ADGRL3: variants seen among roughly 807,000 people sequenced by gnomAD.
The protein encoded by ADGRL3 is calcium-independent alpha-latrotoxin receptor 3.
Under a neutral mutation model 153.5 loss-of-function variants are expected in ADGRL3, and 62 were observed. The observed-to-expected ratio is 0.40, with a 90% CI of 0.33 to 0.50. The LOEUF (loss-of-function observed/expected upper bound fraction) is 0.50. Among genes scored for constraint, ADGRL3 ranks in the 20% least tolerant of loss-of-function variants. ADGRL3 has a pLI of 0.47. For missense variants in ADGRL3, 1,641 were observed against 1,859.4 expected (o/e 0.88, Z 2.16); for synonymous variants, 710 against 672.5 (o/e 1.06, Z -0.86).
In ADGRL3 at chr4:61,205,340, A is replaced by G. The variant is rs950685648; in HGVS notation, c.-240+3575A>G. 2.0e-5 allele frequency among the ~76,000 whole-genome samples: 3 copies of G among 152,190 alleles called. No individual in the cohort carries two copies. The South Asian group carries it at 6.2e-4, about 32-fold the overall frequency. On this transcript the variant is annotated intron_variant, in intron 1 of 26. Coordinates refer to ENST00000683033, the MANE Select transcript of ADGRL3 (RefSeq NM_001387552.1). ...AAGGAAAACTGATTGCGATTTTCATATTTAGGATCAAACAGTGATTTTAAG... is the reference window on the plus strand; with the variant it reads ...AAGGAAAACTGATTGCGATTTTCATGTTTAGGATCAAACAGTGATTTTAAG...
intron 5 of ADGRL3, among the ~76,000 whole-genome samples, chr4:61,589,650 A>G (rs950382923): frequency 5.3e-5 from 8 of 152,088 alleles, no homozygotes; most frequent in African/African-American, 1.7e-4. Context: ...AAGGATTATT[A>G]CTCAGTATAA....
chr4:61,498,675 A>T (rs1284895373), intron 3 of ADGRL3, among the ~76,000 whole-genome samples: 1 of 152,184 alleles, frequency 6.6e-6, no homozygotes, highest in African/African-American at 2.4e-5. Context: ...AATGTTGTTC[A>T]TTTAGACATC....
chr4:61,766,432 A>G (rs1428672312), intron 8 of ADGRL3, among the ~76,000 whole-genome samples: 2 of 152,214 alleles, frequency 1.3e-5, no homozygotes, highest in East Asian at 3.9e-4. Context: ...AGTTGTTTGG[A>G]CAGAAAGGCT....
chr4:61,357,194 G>A (rs943099295), intron 1 of ADGRL3, among the ~76,000 whole-genome samples: 1 of 151,940 alleles, frequency 6.6e-6, no homozygotes, highest in Non-Finnish European at 1.5e-5. Flanking sequence ...TTTACAGTAT[G>A]AATGTACTAA....
Position 61,321,699 on chromosome 4 carries a change from G to T in ADGRL3, c.-239-61425G>T, listed in dbSNP as rs532061928. ...TTGTAACACAATGTTAAGTATTTGTGTATCTAAACATGTCTAAACGTAGAA... is the reference window on the plus strand; with the variant it reads ...TTGTAACACAATGTTAAGTATTTGTTTATCTAAACATGTCTAAACGTAGAA... On this transcript the variant is annotated intron_variant, in intron 1 of 26. Transcript: ENST00000683033. 2.6e-5 allele frequency among the ~76,000 whole-genome samples: 4 copies of T among 151,776 alleles called. No individual in the cohort carries two copies. In the South Asian group the frequency reaches 8.4e-4, roughly 32 times the overall value.
intron 21 of ADGRL3, among the ~76,000 whole-genome samples, chr4:62,005,687 T>C (rs1427621540): frequency 6.6e-6 from 1 of 151,952 alleles, no homozygotes; most frequent in African/African-American, 2.4e-5. Context: ...TAATTTAAAC[T>C]AGCTATTCAT....
At chr4:61,327,555 G>C (rs2095490896) in intron 1 of ADGRL3, among the ~76,000 whole-genome samples, 1 of 152,060 alleles carries the variant, frequency 6.6e-6, no homozygotes, top group South Asian at 2.1e-4. Flanking sequence ...AAAATTTAAA[G>C]TTTGTGATGG....
intron 8 of ADGRL3, among the ~76,000 whole-genome samples, chr4:61,787,845 C>T (rs990784387): frequency 6.6e-6 from 1 of 151,736 alleles, no homozygotes; most frequent in Non-Finnish European, 1.5e-5. Flanking sequence ...TCTAAAAAAT[C>T]CAGAAAAGGT....
At chr4:61,568,044 C>A (rs2098823472) in intron 4 of ADGRL3, among the ~76,000 whole-genome samples, 1 of 152,000 alleles carries the variant, frequency 6.6e-6, no homozygotes, top group Non-Finnish European at 1.5e-5. Context: ...TTGTTGTGGT[C>A]TTTTCCCTTA....
intron 1 of ADGRL3, among the ~76,000 whole-genome samples, chr4:61,264,745 C>G (rs1447854340): frequency 6.6e-6 from 1 of 151,962 alleles, no homozygotes; most frequent in Non-Finnish European, 1.5e-5. Context: ...ATGGCAAATA[C>G]TGCTAGTACT....
intron 25 of ADGRL3, 39 bp downstream of exon 25, chr4:62,044,588 ATTACT>A (rs1303135542): frequency 1.2e-5 from 17 of 1,361,626 alleles, no homozygotes; most frequent in African/African-American, 7.2e-5. Flanking sequence ...TACTTTTCTG[ATTACT>A]TTAAGAAGTC....
At chr4:61,494,904 A>G (rs2098296847) in intron 2 of ADGRL3, among the ~76,000 whole-genome samples, 1 of 152,184 alleles carries the variant, frequency 6.6e-6, no homozygotes, top group African/African-American at 2.4e-5. Context: ...ATTCACATTG[A>G]AAGGATGAGT....
At chr4:61,366,079 C>A (rs1441793736) in intron 1 of ADGRL3, among the ~76,000 whole-genome samples, 1 of 151,968 alleles carries the variant, frequency 6.6e-6, no homozygotes, top group Non-Finnish European at 1.5e-5. Context: ...ATGCTAGATC[C>A]TTTCCTTGAA....
intron 6 of ADGRL3, among the ~76,000 whole-genome samples, chr4:61,709,199 C>A (rs1325302276): frequency 6.6e-6 from 1 of 152,072 alleles, no homozygotes; most frequent in Non-Finnish European, 1.5e-5. Flanking sequence ...CCATTTCTAC[C>A]ACGTTGTATC....
At chr4:61,297,967 C>T (rs2094466660) in intron 1 of ADGRL3, among the ~76,000 whole-genome samples, 1 of 151,958 alleles carries the variant, frequency 6.6e-6, no homozygotes, top group South Asian at 2.1e-4. Context: ...TTTTATGTTT[C>T]CATCCTTTCA....
chr4:61,412,117 A>G (rs1357255329), intron 2 of ADGRL3, among the ~76,000 whole-genome samples: 1 of 144,266 alleles, frequency 6.9e-6, no homozygotes, highest in East Asian at 2.0e-4. Context: ...TTTTTTGGAG[A>G]CTCTGTTGTC....
intron 8 of ADGRL3, among the ~76,000 whole-genome samples, chr4:61,752,867 G>A (rs983298264): frequency 1.3e-5 from 2 of 152,118 alleles, no homozygotes; most frequent in Non-Finnish European, 2.9e-5. Context: ...CTGGGAGGTG[G>A]AGATTGCAGT....
intron 1 of ADGRL3, among the ~76,000 whole-genome samples, chr4:61,275,884 A>G (rs541728705): frequency 1.3e-5 from 2 of 152,336 alleles, no homozygotes; most frequent in African/African-American, 4.8e-5. Flanking sequence ...ATAAAGATTA[A>G]AGAAGTAGAC....
chr4:61,345,251 T>A (rs575342886), intron 1 of ADGRL3, among the ~76,000 whole-genome samples: 1 of 152,230 alleles, frequency 6.6e-6, no homozygotes, highest in East Asian at 1.9e-4. Context: ...CCCAAGAGCA[T>A]AGCAGAAATA....
Sources: gnomAD v4.1 joint callset for allele counts (sites outside exome capture counted in the v4.1 genomes callset) on GRCh38, gnomAD v4.1.1 for gene constraint, MANE v1.5 for transcripts, NCBI Gene and HGNC (gene_info 2026-07-23, HGNC 2026-07-21) for gene names.